Variants in GBE1 observed in about 807,000 individuals in gnomAD.
GBE1 encodes 1,4-alpha-glucan branching enzyme 1.
GBE1 carries 70 observed loss-of-function variants against 88.8 expected under a neutral mutation model. The ratio of observed to expected loss-of-function variants is 0.79; its 90% CI spans 0.65 to 0.96. The LOEUF (loss-of-function observed/expected upper bound fraction) is 0.96. GBE1 is among the 40% of genes least tolerant of loss of function. The probability of loss-of-function intolerance (pLI) is 0.00; values close to 1 mark genes in which losing one functional copy is unlikely to be tolerated. For synonymous variants in GBE1, 284 were observed against 300.1 expected, an observed-to-expected ratio of 0.95 and a Z score of 0.56; for missense variants, 872 against 871.0, an observed-to-expected ratio of 1.00 and a Z score of -0.01.
At chr3:81,664,536 T>G (rs1376142290) in intron 3 of GBE1, among the ~76,000 whole-genome samples, 3 of 151,876 alleles carry the variant, frequency 2.0e-5, no homozygotes, top group African/African-American at 7.3e-5. Context: ...CCCCAACATT[T>G]TGAAAAGAAA....
intron 3 of GBE1, among the ~76,000 whole-genome samples, chr3:81,668,503 T>C (rs1193818779): frequency 6.6e-6 from 1 of 152,170 alleles, no homozygotes; most frequent in African/African-American, 2.4e-5. Context: ...ACAAAATATA[T>C]GTAAATTAGT....
chr3:81,575,812 G>A (rs894706711), intron 12 of GBE1, among the ~76,000 whole-genome samples: 2 of 151,958 alleles, frequency 1.3e-5, no homozygotes, highest in East Asian at 3.9e-4. Flanking sequence ...ATTACTATCT[G>A]TAGTTTTACT....
chr3:81,520,290 T>C (rs191559992), intron 14 of GBE1, among the ~76,000 whole-genome samples: 3 of 151,528 alleles, frequency 2.0e-5, no homozygotes, highest in Non-Finnish European at 4.4e-5. Context: ...GCTCACTGCA[T>C]GTCTCCGCAT....
intron 11 of GBE1, among the ~76,000 whole-genome samples, chr3:81,579,283 T>C (rs1219132792): frequency 1.3e-5 from 2 of 152,086 alleles, no homozygotes; most frequent in East Asian, 1.9e-4. Flanking sequence ...TGTATTCATA[T>C]ACATTTATAT....
intron 1 of GBE1, among the ~76,000 whole-genome samples, chr3:81,729,558 A>G (rs1433618213): frequency 6.6e-6 from 1 of 152,230 alleles, no homozygotes; most frequent in Non-Finnish European, 1.5e-5. Context: ...TCTTGGGAAG[A>G]AAGTAACTTA....
At chr3:81,594,931 A>G (rs1246384620) in intron 7 of GBE1, among the ~76,000 whole-genome samples, 1 of 151,900 alleles carries the variant, frequency 6.6e-6, no homozygotes, top group African/African-American at 2.4e-5. Flanking sequence ...GTAATAGTGT[A>G]CACAAATCTT....
At chr3:81,618,025 T>C (rs1704274182) in intron 7 of GBE1, among the ~76,000 whole-genome samples, 1 of 152,158 alleles carries the variant, frequency 6.6e-6, no homozygotes, top group African/African-American at 2.4e-5. Context: ...CTTTTACTGT[T>C]ATTTTGATGT....
intron 2 of GBE1, among the ~76,000 whole-genome samples, chr3:81,674,520 T>A (rs1375365109): frequency 6.6e-6 from 1 of 151,794 alleles, no homozygotes; most frequent in Non-Finnish European, 1.5e-5. Context: ...AACCTCAAAT[T>A]ATTGGTATAA....
intron 7 of GBE1, among the ~76,000 whole-genome samples, chr3:81,632,002 T>C (rs1704520206): frequency 1.3e-5 from 2 of 152,160 alleles, no homozygotes; most frequent in East Asian, 3.9e-4. Flanking sequence ...TGTTCCCCTC[T>C]CTATCCTCAT....
In GBE1 at chr3:81,497,301, G is replaced by A. The variant is rs1302762346; in HGVS notation, c.2052+1809C>T. 2.0e-5 allele frequency among the ~76,000 whole-genome samples: 3 copies of A among 152,242 alleles called. No individual in the cohort carries two copies. The East Asian group carries it at 5.8e-4, about 29-fold the overall frequency. On this transcript the variant is annotated intron_variant, in intron 15 of 15. Transcript: ENST00000429644. ...TGGGAGAAGGTATTCTTAATTGTGT[G>A]TCCTGGAAACACTTAGTATATTGAC...
At chr3:81,533,831 G>A (rs529597613) in intron 14 of GBE1, among the ~76,000 whole-genome samples, 34 of 152,138 alleles carry the variant, frequency 2.2e-4, no homozygotes, top group African/African-American at 7.9e-4. Flanking sequence ...TGTATCTGAA[G>A]GTGGGTGACA....
intron 2 of GBE1, among the ~76,000 whole-genome samples, chr3:81,682,330 C>T (rs910736802): frequency 3.9e-5 from 6 of 152,024 alleles, no homozygotes; most frequent in African/African-American, 1.4e-4. Flanking sequence ...GGCATGGTGG[C>T]ACACGCCTGT....
At chr3:81,539,102 T>TG (rs1384274608) in intron 12 of GBE1, among the ~76,000 whole-genome samples, 1 of 152,022 alleles carries the variant, frequency 6.6e-6, no homozygotes, top group African/African-American at 2.4e-5. Context: ...TATTTCAATT[T>TG]TACAGATAAG....
chr3:81,635,428 C>T (rs1463630691), intron 7 of GBE1, among the ~76,000 whole-genome samples: 1 of 152,070 alleles, frequency 6.6e-6, no homozygotes, highest in Non-Finnish European at 1.5e-5. Context: ...TATATGGATG[C>T]TTTCGAAATT....
At chr3:81,548,211 C>G (rs1703232970) in intron 12 of GBE1, among the ~76,000 whole-genome samples, 1 of 151,420 alleles carries the variant, frequency 6.6e-6, no homozygotes, top group Admixed American at 6.6e-5. Flanking sequence ...CTAATCGACA[C>G]TTTAACAAAA....
At chr3:81,626,637 G>A (rs1471344971) in intron 7 of GBE1, among the ~76,000 whole-genome samples, 1 of 151,354 alleles carries the variant, frequency 6.6e-6, no homozygotes, top group Non-Finnish European at 1.5e-5. Flanking sequence ...TGCATGAAAA[G>A]CACTGGAGTG....
Position 81,665,497 on chromosome 3 carries a change from C to T in GBE1, c.429+5341G>A, listed in dbSNP as rs574755517. On this transcript the variant is annotated intron_variant, in intron 3 of 15. Coordinates refer to ENST00000429644, the MANE Select transcript of GBE1 (RefSeq NM_000158.4). ...CTTGCAGTGAGCCGAGATTGCGCCA[C>T]TGCACTCCAGCCTGGGGGACACAGC... Among the ~76,000 whole-genome samples the T allele has an allele frequency of 6.7e-5, 10 of 149,106 alleles. No homozygotes were observed. In the East Asian group the frequency reaches 1.4e-3, roughly 21 times the overall value.
intron 10 of GBE1, among the ~76,000 whole-genome samples, chr3:81,581,895 C>A (rs1703736640): frequency 6.6e-6 from 1 of 152,046 alleles, no homozygotes; most frequent in Non-Finnish European, 1.5e-5. Flanking sequence ...GTGGTGTGAG[C>A]TTAAGTTAGT....
chr3:81,648,604 G>A (rs1373842814), intron 5 of GBE1, among the ~76,000 whole-genome samples: 1 of 151,878 alleles, frequency 6.6e-6, no homozygotes, highest in East Asian at 1.9e-4. Context: ...CTATAATTTT[G>A]GAAGTCATCA....
Sources: gnomAD v4.1 joint callset for allele counts (sites outside exome capture counted in the v4.1 genomes callset) on GRCh38, gnomAD v4.1.1 for gene constraint, MANE v1.5 for transcripts, NCBI Gene and HGNC (gene_info 2026-07-23, HGNC 2026-07-21) for gene names.